Variants in P4HA1 observed in about 807,000 individuals in gnomAD.
P4HA1 encodes the protein prolyl 4-hydroxylase subunit alpha-1.
P4HA1 carries 24 observed loss-of-function variants against 72.8 expected under a neutral mutation model. The ratio of observed to expected loss-of-function variants is 0.33; its 90% CI spans 0.24 to 0.46. The LOEUF (loss-of-function observed/expected upper bound fraction) is 0.46, where lower values mean the gene tolerates loss of function less well. Among genes scored for constraint, P4HA1 ranks in the 20% least tolerant of loss-of-function variants. P4HA1 has a pLI of 1.00. For synonymous variants in P4HA1, 201 were observed against 218.8 expected (o/e 0.92, Z 0.72); for missense variants, 446 against 640.6 (o/e 0.70, Z 3.28).
At position 73,065,588 on chromosome 10, in the gene P4HA1, C is replaced by G. The variant is rs189886734; in HGVS notation, c.463+3258G>C. 2.6e-5 allele frequency: 4 copies of G among 152,266 alleles called. No homozygotes were observed. In the East Asian group the frequency reaches 7.7e-4, roughly 29 times the overall value. 9.4% of individuals were successfully genotyped at this position (152,266 alleles called of 1,614,324 possible). On this transcript the variant is annotated intron_variant, in intron 5 of 14. Coordinates refer to ENST00000394890, the MANE Select transcript of P4HA1 (RefSeq NM_001017962.3). ...GATTGCTAAAATTTTTAAAGTCTGA[C>G]AAAACCAAGAGCTGGCAAGGATATG... is the stretch of plus-strand genomic sequence containing the variant.
In P4HA1 at chr10:73,014,982, C is replaced by T. The variant is rs542089773; in HGVS notation, c.1303-693G>A. Reference sequence around the variant, plus strand: ...TGGCTGGGGCTACAGGCGTGTACCACCATGCCTGGCTAATTTTTTTGTATT... The same window carrying T: ...TGGCTGGGGCTACAGGCGTGTACCATCATGCCTGGCTAATTTTTTTGTATT... On this transcript the variant is annotated intron_variant, in intron 11 of 14. Coordinates refer to ENST00000394890, the MANE Select transcript of P4HA1 (RefSeq NM_001017962.3). Among the ~76,000 whole-genome samples, 426 of 152,020 alleles carry T rather than the reference C, an allele frequency of 2.8e-3. 1 individual carries two copies. The highest frequency in any genetic ancestry group is 9.9e-3 in the African/African-American group (409 of 41,438).
At chr10:73,012,122 T>A (rs960311729) in intron 12 of P4HA1, among the ~76,000 whole-genome samples, 3 of 152,006 alleles carry the variant, frequency 2.0e-5, no homozygotes, top group Non-Finnish European at 4.4e-5. Flanking sequence ...AGGAAGGGTG[T>A]TTACATTAAG....
chr10:73,053,278 G>C (rs1841060267), intron 6 of P4HA1, 73 bp downstream of exon 6: 2 of 1,424,894 alleles, frequency 1.4e-6, no homozygotes, highest in East Asian at 2.3e-5. Context: ...TATAAATGAG[G>C]GAAAGACAGA....
At chr10:73,051,304 TC>T in intron 6 of P4HA1, 55 bp from the exon 7 acceptor site, 1 of 934,764 alleles carries the variant, frequency 1.1e-6, no homozygotes, top group South Asian at 1.5e-5. Flanking sequence ...TGTTCAAGCA[TC>T]AGAATATAGT....
At chr10:73,093,735 C>T (rs1416845157) in intron 1 of P4HA1, among the ~76,000 whole-genome samples, 3 of 145,110 alleles carry the variant, frequency 2.1e-5, no homozygotes, top group Non-Finnish European at 3.0e-5. Context: ...CCCAGCTACT[C>T]GGGAGGCTTA....
chr10:73,090,303 AT>A (rs370925840), intron 1 of P4HA1, among the ~76,000 whole-genome samples: 456 of 145,938 alleles, frequency 3.1e-3, no homozygotes, highest in African/African-American at 0.011. Flanking sequence ...AGCTAATGTT[AT>A]TTTATTTTGT....
intron 7 of P4HA1, among the ~76,000 whole-genome samples, chr10:73,050,533 C>T (rs1357409533): frequency 2.6e-5 from 4 of 151,654 alleles, no homozygotes; most frequent in Non-Finnish European, 4.4e-5. Context: ...AACCCCATCT[C>T]TACTAAAAAT....
Position 73,074,845 on chromosome 10 carries a change from G to C in P4HA1, c.39C>G (p.Pro13=). ...WYILIIGILL[P]QSLAHPGFFT... ...AAAAGCCTGGATGAGCCAAAGACTG[G>C]GGAAGCAGAATTCCTATAATTAATA... The change falls in exon 2 of 15, where the codon CCC becomes CCG. Residue 13 remains proline (P), a synonymous_variant. Coordinates refer to ENST00000394890, the MANE Select transcript of P4HA1 (RefSeq NM_001017962.3). 2 of 1,573,564 alleles carry C rather than the reference G, an allele frequency of 1.3e-6. No individual in the cohort carries two copies. Among genetic ancestry groups the C allele is most frequent in the Non-Finnish European group, 1.7e-6 (2 of 1,143,944 alleles).
chr10:73,084,284 G>C (rs1285943220), intron 1 of P4HA1, among the ~76,000 whole-genome samples: 2 of 152,158 alleles, frequency 1.3e-5, no homozygotes, highest in Non-Finnish European at 2.9e-5. Flanking sequence ...AAGTTTTCAT[G>C]AAACTTCATT....
At chr10:73,019,805 A>C (rs191374022) in intron 10 of P4HA1, among the ~76,000 whole-genome samples, 2 of 151,550 alleles carry the variant, frequency 1.3e-5, no homozygotes, top group Non-Finnish European at 2.9e-5. Flanking sequence ...CACTTGATTA[A>C]GCAAAACAAT....
chr10:73,089,131 T>C (rs1841976939), intron 1 of P4HA1, among the ~76,000 whole-genome samples: 1 of 152,232 alleles, frequency 6.6e-6, no homozygotes, highest in African/African-American at 2.4e-5. Context: ...ATATAATCAG[T>C]GTTTCATAAT....
At chr10:73,034,444 C>G (rs1840516199) in intron 9 of P4HA1, among the ~76,000 whole-genome samples, 2 of 152,132 alleles carry the variant, frequency 1.3e-5, no homozygotes, top group Admixed American at 6.6e-5. Context: ...CAACAACTCC[C>G]ATCTCTCCCT....
intron 7 of P4HA1, among the ~76,000 whole-genome samples, chr10:73,050,229 TC>T (rs1446624068): frequency 2.6e-5 from 4 of 151,754 alleles, no homozygotes; most frequent in Non-Finnish European, 5.9e-5. Context: ...AACTATCACT[TC>T]CTTTAAACTT....
chr10:73,021,181 G>C (rs1210313533), intron 10 of P4HA1, among the ~76,000 whole-genome samples: 1 of 152,050 alleles, frequency 6.6e-6, no homozygotes, highest in East Asian at 1.9e-4. Flanking sequence ...CACTGGCAAG[G>C]ATGAAGAGAA....
At chr10:73,008,510 T>TA (rs1376652022) in intron 14 of P4HA1, among the ~76,000 whole-genome samples, 1 of 152,218 alleles carries the variant, frequency 6.6e-6, no homozygotes, top group Middle Eastern at 3.2e-3. Flanking sequence ...TGCGTGTATG[T>TA]ACATACATGT....
intron 6 of P4HA1, among the ~76,000 whole-genome samples, chr10:73,052,654 C>T (rs572911696): frequency 1.9e-4 from 29 of 152,276 alleles, no homozygotes; most frequent in Admixed American, 5.9e-4. Context: ...GCAGATCAAT[C>T]CTTTTGAGCT....
chr10:73,081,838 G>C (rs531542385), intron 1 of P4HA1, among the ~76,000 whole-genome samples: 1 of 152,272 alleles, frequency 6.6e-6, no homozygotes, highest in Non-Finnish European at 1.5e-5. Context: ...TTCGAGACCA[G>C]CCTGACAAAC....
chr10:73,091,770 TCG>T (rs1053121798), intron 1 of P4HA1, among the ~76,000 whole-genome samples: 13 of 152,204 alleles, frequency 8.5e-5, no homozygotes, highest in African/African-American at 3.1e-4. Context: ...TTTAACTGAC[TCG>T]GCAGAGATGA....
At chr10:73,034,680 C>T (rs940692885) in intron 9 of P4HA1, among the ~76,000 whole-genome samples, 2 of 151,470 alleles carry the variant, frequency 1.3e-5, no homozygotes, top group Admixed American at 6.6e-5. Flanking sequence ...CTCAACCTTC[C>T]GGGCTCAGGT....
Sources: gnomAD v4.1 joint callset for allele counts (sites outside exome capture counted in the v4.1 genomes callset) on GRCh38, gnomAD v4.1.1 for gene constraint, MANE v1.5 for transcripts, NCBI Gene and HGNC (gene_info 2026-07-23, HGNC 2026-07-21) for gene names.